Variants in RUNX1 observed in about 807,000 individuals in gnomAD.
RUNX1 encodes the protein RUNX family transcription factor 1, also known as runt-related transcription factor 1.
In RUNX1, 19 loss-of-function variants were observed where a neutral mutation model predicts 42.8. That is an observed-to-expected ratio of 0.44 (90% CI 0.31 to 0.65). The LOEUF (loss-of-function observed/expected upper bound fraction) is 0.65. RUNX1 is among the 30% of genes least tolerant of loss of function. The pLI is 0.07. For missense variants in RUNX1, 528 were observed against 672.0 expected, an observed-to-expected ratio of 0.79 and a Z score of 2.37; for synonymous variants, 271 against 289.4, an observed-to-expected ratio of 0.94 and a Z score of 0.64.
At position 34,966,691 on chromosome 21, in the gene RUNX1, T is replaced by C. The variant is rs529448437; in HGVS notation, c.59-73728A>G. On this transcript the variant is annotated intron_variant, in intron 2 of 8. Coordinates refer to ENST00000675419, the MANE Select transcript of RUNX1 (RefSeq NM_001754.5). ...GATCTGATTATGCGTTTGCTGCAAA[T>C]GGAAATTAACATCATTTGCCCTTCT... 3.3e-5 allele frequency among the ~76,000 whole-genome samples: 5 copies of C among 152,374 alleles called. No homozygotes were observed. In the East Asian group the frequency reaches 9.6e-4, roughly 29 times the overall value.
chr21:34,854,490 C>G (rs993903283), intron 6 of RUNX1, among the ~76,000 whole-genome samples: 6 of 151,068 alleles, frequency 4.0e-5, no homozygotes, highest in African/African-American at 1.5e-4. Context: ...GAGGCTGAGG[C>G]AGGAGACTCG....
At chr21:35,024,925 A>G (rs1023710054) in intron 2 of RUNX1, among the ~76,000 whole-genome samples, 1 of 152,248 alleles carries the variant, frequency 6.6e-6, no homozygotes, top group African/African-American at 2.4e-5. Flanking sequence ...AAGACTGGTG[A>G]CAAATAAGGT....
At chr21:34,898,378 A>G (rs1407356333) in intron 2 of RUNX1, among the ~76,000 whole-genome samples, 3 of 152,164 alleles carry the variant, frequency 2.0e-5, no homozygotes, top group Non-Finnish European at 2.9e-5. Context: ...TACCCTGGGC[A>G]TGCTCTTTCC....
Position 34,867,988 on chromosome 21 carries a change from A to C in RUNX1, c.509-8410T>G, listed in dbSNP as rs571462338. ...GCCCCTAGCCGGGTGCCTCAAACAC[A>C]CAGCCCAAGGCCACACAGAGCTGCA... On this transcript the variant is annotated intron_variant, in intron 5 of 8. Transcript: ENST00000675419. 4.3e-3 allele frequency among the ~76,000 whole-genome samples: 657 copies of C among 152,194 alleles called. 4 individuals are homozygous for C. The highest frequency in any genetic ancestry group is 0.015 in the African/African-American group (606 of 41,516).
At position 34,789,979 on chromosome 21, in the gene RUNX1, C is replaced by T. The variant is rs1417852702; in HGVS notation, c.*2156G>A. On this transcript the variant is annotated 3_prime_UTR_variant, in exon 9 of 9. Coordinates refer to ENST00000675419, the MANE Select transcript of RUNX1 (RefSeq NM_001754.5). ...ATTTGGGGGAAATGGGCTAATGGTG[C>T]TTTTCAGAAATTAAATTTTTACATT... 8.6e-6 allele frequency: 2 copies of T among 232,882 alleles called. No homozygotes were observed. Among genetic ancestry groups the T allele is most frequent in the Non-Finnish European group, 8.5e-6 (1 of 117,972 alleles). The allele number at this position is 232,882 out of a possible 1,614,324, so 14.4% of individuals were successfully genotyped here. A position where few individuals can be genotyped will look rare whatever the true frequency, so the allele number is the denominator to read the frequency against.
intron 2 of RUNX1, among the ~76,000 whole-genome samples, chr21:34,964,454 C>A (rs4239795): frequency 0.54 from 80,465 of 149,068 alleles, 22,041 homozygotes; most frequent in African/African-American, 0.63. Context: ...CACCACTGCA[C>A]TCCAGCCTGA....
At chr21:34,880,351 C>T (rs2057877722) in intron 5 of RUNX1, among the ~76,000 whole-genome samples, 1 of 152,174 alleles carries the variant, frequency 6.6e-6, no homozygotes, top group Admixed American at 6.5e-5. Flanking sequence ...AGTCTTAAAT[C>T]CACTCAGTAA....
chr21:34,935,182 A>G (rs1366750789), intron 2 of RUNX1, among the ~76,000 whole-genome samples: 1 of 152,114 alleles, frequency 6.6e-6, no homozygotes, highest in Non-Finnish European at 1.5e-5. Flanking sequence ...ATTCTAGTTG[A>G]TGTGTTCTTT....
At chr21:34,850,042 A>C (rs940671743) in intron 6 of RUNX1, among the ~76,000 whole-genome samples, 4 of 152,136 alleles carry the variant, frequency 2.6e-5, no homozygotes, top group Non-Finnish European at 4.4e-5. Context: ...ACAACAACAA[A>C]AAAAACTGAA....
intron 2 of RUNX1, among the ~76,000 whole-genome samples, chr21:35,013,843 A>C (rs1393015887): frequency 6.6e-6 from 1 of 152,252 alleles, no homozygotes; most frequent in Non-Finnish European, 1.5e-5. Context: ...CAACAATTTA[A>C]GGCCATTTAA....
Position 35,047,125 on chromosome 21 carries a change from T to C in RUNX1, c.58+1717A>G, listed in dbSNP as rs568457398. Among the ~76,000 whole-genome samples the C allele has an allele frequency of 5.3e-5, 8 of 152,322 alleles. No homozygotes were observed. In the South Asian group the frequency reaches 1.4e-3, roughly 28 times the overall value. On this transcript the variant is annotated intron_variant, in intron 2 of 8. Transcript: ENST00000675419. ...AAACCCAACCTATTGCTCAATGGAA[T>C]GCTTAAAAATTTCCTGAATCTGCCT... is the stretch of plus-strand genomic sequence containing the variant.
chr21:34,884,350 T>C lies in RUNX1; in HGVS notation c.351+2493A>G, dbSNP rs536059812. 2.6e-4 allele frequency among the ~76,000 whole-genome samples: 39 copies of C among 152,334 alleles called. 2 individuals carry two copies. The South Asian group carries it at 8.1e-3, about 32-fold the overall frequency. On this transcript the variant is annotated intron_variant, in intron 4 of 8. Transcript: ENST00000675419. ...GACGTAGAGGATTTACCTACAGAAC[T>C]TCAGGAGATTCCTAAGAAGGCCTTC...
In RUNX1 at chr21:34,843,114, G is replaced by A. The variant is rs918850131; in HGVS notation, c.614-8513C>T. Among the ~76,000 whole-genome samples the A allele has an allele frequency of 2.0e-5, 3 of 151,740 alleles. No individual in the cohort carries two copies. The highest frequency in any genetic ancestry group is 4.4e-5 in the Non-Finnish European group (3 of 67,912). On this transcript the variant is annotated intron_variant, in intron 6 of 8. Transcript: ENST00000675419. This position sits in a 1 kb window ranked among gnomAD's most constrained non-coding sequence, Gnocchi z 4.8. The stretch of plus-strand genomic sequence containing the variant: ...AATATAGATACACATGGACACACAT[G>A]TATAAACACACATACAGACACACAT...
In RUNX1 at chr21:34,886,826, C is replaced by T. The variant is rs746624601; in HGVS notation, c.351+17G>A. ...CGGCCTCCGCCTGTCCTCCCACCAC[C>T]CTCTCCGGGCCAGTACCTTGAAAGC... is the stretch of plus-strand genomic sequence containing the variant. On this transcript the variant is annotated intron_variant, in intron 4 of 8. Coordinates refer to ENST00000675419, the MANE Select transcript of RUNX1 (RefSeq NM_001754.5). 1 of 1,612,460 alleles carries T rather than the reference C, an allele frequency of 6.2e-7. No homozygotes were observed. The highest frequency in any genetic ancestry group is 8.5e-7 in the Non-Finnish European group (1 of 1,179,718).
chr21:35,005,329 T>C (rs2059076225), intron 2 of RUNX1, among the ~76,000 whole-genome samples: 1 of 152,176 alleles, frequency 6.6e-6, no homozygotes, highest in Non-Finnish European at 1.5e-5. Context: ...GTATGACTCA[T>C]TGTATATGCA....
At chr21:34,865,168 T>TTA (rs1430601683) in intron 5 of RUNX1, among the ~76,000 whole-genome samples, 1 of 152,012 alleles carries the variant, frequency 6.6e-6, no homozygotes, top group Non-Finnish European at 1.5e-5. Flanking sequence ...GGAATGATCA[T>TTA]TAAAGACATG....
chr21:35,028,986 T>C (rs1048370868), intron 2 of RUNX1, among the ~76,000 whole-genome samples: 15 of 151,714 alleles, frequency 9.9e-5, no homozygotes, highest in Non-Finnish European at 2.1e-4. Context: ...TGGAGAGGGG[T>C]TCCTTTTTGT....
chr21:35,040,456 C>T (rs1376206020), intron 2 of RUNX1, among the ~76,000 whole-genome samples: 1 of 152,090 alleles, frequency 6.6e-6, no homozygotes, highest in African/African-American at 2.4e-5. Context: ...GCCACTCTGA[C>T]ATTTTTTGTC....
intron 5 of RUNX1, among the ~76,000 whole-genome samples, chr21:34,869,979 G>A (rs185125865): frequency 1.1e-4 from 16 of 152,288 alleles, no homozygotes; most frequent in African/African-American, 3.4e-4. Context: ...AGGCTGAGTT[G>A]GGAGAACTTC....
Sources: gnomAD v4.1 joint callset for allele counts (sites outside exome capture counted in the v4.1 genomes callset) on GRCh38, gnomAD v4.1.1 for gene constraint, Gnocchi (gnomAD v3.1) non-coding constraint, MANE v1.5 for transcripts, NCBI Gene and HGNC (gene_info 2026-07-23, HGNC 2026-07-21) for gene names.